Variants in SLC7A2 observed in about 807,000 individuals in gnomAD.
SLC7A2 encodes the protein cationic amino acid transporter 2.
Under a neutral mutation model 58.9 loss-of-function variants are expected in SLC7A2, and 48 were observed. The ratio of observed to expected loss-of-function variants is 0.82; its 90% CI spans 0.65 to 1.04. SLC7A2 has a LOEUF of 1.04. Among genes scored for constraint, SLC7A2 ranks in the 50% least tolerant of loss-of-function variants. The pLI, the probability that SLC7A2 is intolerant of heterozygous loss-of-function variation, is 0.00. For missense variants in SLC7A2, 1,029 were observed against 818.8 expected, an observed-to-expected ratio of 1.26 and a Z score of -3.13; for synonymous variants, 363 against 314.5, an observed-to-expected ratio of 1.15 and a Z score of -1.63.
At chr8:17,563,551 G>A in intron 11 of SLC7A2, 52 bp from the exon 12 acceptor site, 12 of 1,091,470 alleles carry the variant, frequency 1.1e-5, no homozygotes, top group South Asian at 4.0e-5. Context: ...AATAACTTGG[G>A]GAATATGCTT....
chr8:17,496,201 G>A (rs2588198), upstream of SLC7A2, among the ~76,000 whole-genome samples: 147,414 of 152,152 alleles, frequency 0.97, 71,555 homozygotes, highest in East Asian at 1. Context: ...CAAGCCTGTA[G>A]TTGTCAGCAC....
intron 8 of SLC7A2, among the ~76,000 whole-genome samples, chr8:17,556,937 T>C (rs1273517441): frequency 6.6e-6 from 1 of 152,112 alleles, no homozygotes; most frequent in Non-Finnish European, 1.5e-5. Context: ...GCACGCAGTG[T>C]GTTAAAAGAA....
intron 1 of SLC7A2, among the ~76,000 whole-genome samples, 200 bp from the exon 2 acceptor site, chr8:17,502,057 G>A (rs897622514): frequency 2.1e-4 from 31 of 151,012 alleles, no homozygotes; most frequent in African/African-American, 5.9e-4. Context: ...CTCCTAAGTC[G>A]TCCTACAATT....
intron 2 of SLC7A2, among the ~76,000 whole-genome samples, chr8:17,504,978 A>G (rs1388715693): frequency 1.3e-5 from 2 of 152,278 alleles, no homozygotes; most frequent in African/African-American, 2.4e-5. Flanking sequence ...TCTGTGGGAA[A>G]GAAGAACTCT....
At chr8:17,538,796 G>A in intron 2 of SLC7A2, 1 of 1,613,326 alleles carries the variant, frequency 6.2e-7, no homozygotes, top group Non-Finnish European at 8.5e-7. Flanking sequence ...AGAAAGAGCA[G>A]ATGTCTCACC....
chr8:17,512,270 C>A (rs996677492), intron 2 of SLC7A2, among the ~76,000 whole-genome samples: 2 of 151,940 alleles, frequency 1.3e-5, no homozygotes, highest in African/African-American at 4.8e-5. Flanking sequence ...GAACCCTAGG[C>A]CAGGCACAGC....
In SLC7A2 at chr8:17,566,597, T is replaced by G. The variant is rs1289582483; in HGVS notation, c.*1451T>G. ...ATTTTGGTTTAAAAAACATGATTAT[T>G]TAAAACTGGAAACTAAAAAGAATCA... On this transcript the variant is annotated 3_prime_UTR_variant, in exon 13 of 13. Transcript: ENST00000494857. The G allele has an allele frequency of 6.6e-6, 1 of 152,164 alleles. No homozygotes were observed. The highest frequency in any genetic ancestry group is 1.5e-5 in the Non-Finnish European group (1 of 68,036). 9.4% of individuals were successfully genotyped at this position (152,164 alleles called of 1,614,324 possible). A position where few individuals can be genotyped will look rare whatever the true frequency, so the allele number is the denominator to read the frequency against.
Position 17,567,709 on chromosome 8 carries a change from A to T in SLC7A2, c.*2563A>T, listed in dbSNP as rs1178393596. The T allele has an allele frequency of 2.6e-5, 4 of 152,396 alleles. No homozygotes were observed. The highest frequency in any genetic ancestry group is 5.9e-5 in the Non-Finnish European group (4 of 68,046). 9.4% of individuals were successfully genotyped at this position (152,396 alleles called of 1,614,324 possible). A position where few individuals can be genotyped will look rare whatever the true frequency, so the allele number is the denominator to read the frequency against. On this transcript the variant is annotated 3_prime_UTR_variant, in exon 13 of 13. Coordinates refer to ENST00000494857, the MANE Select transcript of SLC7A2 (RefSeq NM_001370338.1). ...ATGTTTGATGTTGATAGATATGCTT[A>T]TACCTAATTTTTAGTTTTTAAACTA...
At chr8:17,544,162 A>T (rs754152122) in intron 3 of SLC7A2, among the ~76,000 whole-genome samples, 6 of 152,076 alleles carry the variant, frequency 3.9e-5, no homozygotes, top group Non-Finnish European at 7.4e-5. Flanking sequence ...GAGCCACGGC[A>T]CCCGGCCACA....
At chr8:17,507,540 T>G (rs1000286089) in intron 2 of SLC7A2, among the ~76,000 whole-genome samples, 19 of 152,168 alleles carry the variant, frequency 1.2e-4, no homozygotes, top group African/African-American at 3.6e-4. Context: ...AGAAAGGATT[T>G]TGAACATCCA....
At chr8:17,519,823 T>C (rs1800942788) in intron 2 of SLC7A2, among the ~76,000 whole-genome samples, 1 of 139,504 alleles carries the variant, frequency 7.2e-6, no homozygotes, top group Non-Finnish European at 1.6e-5. Flanking sequence ...AGACTTCTGA[T>C]TGCCTAAAAT....
At chr8:17,554,237 G>A (rs1288138853) in intron 7 of SLC7A2, among the ~76,000 whole-genome samples, 2 of 152,026 alleles carry the variant, frequency 1.3e-5, no homozygotes, top group Admixed American at 6.6e-5. Context: ...ATATTGGTTT[G>A]GTTAAGTCTT....
At chr8:17,500,617 A>C (rs1299093077) in intron 1 of SLC7A2, 1 of 152,152 alleles carries the variant, frequency 6.6e-6, no homozygotes, top group African/African-American at 2.4e-5. Flanking sequence ...CTTAAAGTAA[A>C]ATAAAAAATA....
intron 8 of SLC7A2, 69 bp downstream of exon 8, chr8:17,554,768 C>A: frequency 6.7e-7 from 1 of 1,490,202 alleles, no homozygotes; most frequent in Non-Finnish European, 9.1e-7. Context: ...ATTAAAAATA[C>A]AAAGCTAGGT....
chr8:17,513,495 T>C (rs1049536024), intron 2 of SLC7A2, among the ~76,000 whole-genome samples: 2 of 152,164 alleles, frequency 1.3e-5, no homozygotes, highest in Non-Finnish European at 2.9e-5. Context: ...TTTTAAAAGA[T>C]AGAAAAAGTT....
intron 4 of SLC7A2, among the ~76,000 whole-genome samples, chr8:17,546,707 A>T (rs1802189551): frequency 6.6e-6 from 1 of 152,196 alleles, no homozygotes; most frequent in Non-Finnish European, 1.5e-5. Flanking sequence ...ACAGGTAGAA[A>T]TAAAATTCAA....
At chr8:17,540,073 C>G (rs1175995069) in intron 2 of SLC7A2, among the ~76,000 whole-genome samples, 1 of 152,062 alleles carries the variant, frequency 6.6e-6, no homozygotes, top group Non-Finnish European at 1.5e-5. Flanking sequence ...TGTGTCTCGA[C>G]AAAAGCATAT....
At chr8:17,545,966 T>G (rs187310324) in intron 4 of SLC7A2, among the ~76,000 whole-genome samples, 23 of 152,336 alleles carry the variant, frequency 1.5e-4, no homozygotes, top group Middle Eastern at 3.4e-3. Context: ...ATTAATCAAA[T>G]GTTTTACATA....
intron 4 of SLC7A2, among the ~76,000 whole-genome samples, chr8:17,545,024 A>G (rs1016437950): frequency 2.0e-5 from 3 of 152,226 alleles, no homozygotes; most frequent in Non-Finnish European, 4.4e-5. Context: ...CTTCATCTAT[A>G]TAATGTAGGC....
Sources: gnomAD v4.1 joint callset for allele counts (sites outside exome capture counted in the v4.1 genomes callset) on GRCh38, gnomAD v4.1.1 for gene constraint, MANE v1.5 for transcripts, NCBI Gene and HGNC (gene_info 2026-07-23, HGNC 2026-07-21) for gene names.